Variants in NMRK1 observed in about 807,000 individuals in gnomAD.
The protein encoded by NMRK1 is nicotinamide riboside kinase 1, also known as NRK 1.
NMRK1 carries 28 observed loss-of-function variants against 29.9 expected under a neutral mutation model. The ratio of observed to expected loss-of-function variants is 0.94; its 90% CI spans 0.69 to 1.28. The LOEUF is 1.28. Ranked by LOEUF, NMRK1 falls within the 50% of genes most tolerant of loss-of-function variation. The pLI, the probability that NMRK1 is intolerant of heterozygous loss-of-function variation, is 0.00. For missense variants in NMRK1, 218 were observed against 233.1 expected (o/e 0.94, Z 0.42); for synonymous variants, 58 against 73.0 (o/e 0.79, Z 1.05).
intron 2 of NMRK1, among the ~76,000 whole-genome samples, chr9:75,079,679 C>G (rs1180106140): frequency 6.6e-6 from 1 of 152,140 alleles, no homozygotes; most frequent in African/African-American, 2.4e-5. Context: ...ACATCCTGGT[C>G]AGGTGACAGC....
intron 2 of NMRK1, among the ~76,000 whole-genome samples, chr9:75,081,650 C>T (rs1368784291): frequency 6.6e-6 from 1 of 152,140 alleles, no homozygotes; most frequent in Non-Finnish European, 1.5e-5. Flanking sequence ...GTAGTTGCCT[C>T]TCCAGGTTCC....
intron 2 of NMRK1, chr9:75,078,689 T>A: frequency 2.7e-6 from 1 of 367,124 alleles, no homozygotes; most frequent in Non-Finnish European, 4.2e-6. Flanking sequence ...ATTATAAATG[T>A]AAGTGATATA....
chr9:75,063,631 C>G (rs1324549259), intron 8 of NMRK1, among the ~76,000 whole-genome samples: 1 of 152,014 alleles, frequency 6.6e-6, no homozygotes, highest in African/African-American at 2.4e-5. Context: ...ATTATTATTA[C>G]CTTATCATAA....
intron 4 of NMRK1, among the ~76,000 whole-genome samples, chr9:75,075,353 G>GA (rs11345087): frequency 6.6e-6 from 1 of 151,270 alleles, no homozygotes; most frequent in Non-Finnish European, 1.5e-5. Context: ...AGGAAGAGAA[G>GA]AAAAAAAAAA....
At chr9:75,076,196 A>G (rs1286480822) in intron 4 of NMRK1, among the ~76,000 whole-genome samples, 1 of 152,262 alleles carries the variant, frequency 6.6e-6, no homozygotes, top group Non-Finnish European at 1.5e-5. Flanking sequence ...CGATGAATAA[A>G]TGAACAAAGA....
At chr9:75,062,841 G>C (rs1823103084) in intron 8 of NMRK1, among the ~76,000 whole-genome samples, 1 of 152,168 alleles carries the variant, frequency 6.6e-6, no homozygotes. Flanking sequence ...AGACCAGCCT[G>C]ATCAACATAG....
chr9:75,069,217 G>C (rs560807017), intron 6 of NMRK1, 115 bp from the exon 7 acceptor site: 68 of 696,182 alleles, frequency 9.8e-5, no homozygotes, highest in African/African-American at 9.4e-4. Flanking sequence ...AACAGGATTA[G>C]GACTACATGT....
chr9:75,083,145 T>C lies in NMRK1; in HGVS notation c.-30A>G, dbSNP rs1439443240. On this transcript the variant is annotated 5_prime_UTR_variant, in exon 2 of 9. The change creates a new upstream start codon in the 5' untranslated region. Transcript: ENST00000361092. The stretch of plus-strand genomic sequence containing the variant: ...AGCTTTGAAAATCACAGCTTCCTAA[T>C]ATTTCCTAAAAGTAAAAAAACAAAC... 2.0e-6 allele frequency: 3 copies of C among 1,496,206 alleles called. No individual in the cohort carries two copies. In the East Asian group the frequency reaches 6.8e-5, roughly 34 times the overall value. 92.7% of individuals were successfully genotyped at this position (1,496,206 alleles called of 1,614,324 possible). A position where few individuals can be genotyped will look rare whatever the true frequency, so the allele number is the denominator to read the frequency against.
At chr9:75,080,006 T>C (rs1003584133) in intron 2 of NMRK1, among the ~76,000 whole-genome samples, 1 of 152,164 alleles carries the variant, frequency 6.6e-6, no homozygotes, top group Non-Finnish European at 1.5e-5. Context: ...GCACAACTCC[T>C]GGCCCATTTA....
At chr9:75,068,141 G>A (rs1039165389) in intron 7 of NMRK1, among the ~76,000 whole-genome samples, 5 of 151,946 alleles carry the variant, frequency 3.3e-5, no homozygotes, top group Admixed American at 1.3e-4. Context: ...TCATCTTCCC[G>A]CCCCCTCCAT....
At chr9:75,080,702 C>T (rs1824268978) in intron 2 of NMRK1, among the ~76,000 whole-genome samples, 1 of 152,176 alleles carries the variant, frequency 6.6e-6, no homozygotes, top group Admixed American at 6.5e-5. Flanking sequence ...AGGTGTTTGG[C>T]TCATGAGGGC....
intron 8 of NMRK1, 132 bp from the exon 9 acceptor site, chr9:75,061,699 G>A (rs1030029179): frequency 7.2e-6 from 5 of 691,688 alleles, no homozygotes; most frequent in Non-Finnish European, 1.2e-5. Flanking sequence ...CTGGTTTCCT[G>A]TAAAGAACTA....
chr9:75,085,991 A>C (rs776125928), intron 1 of NMRK1, among the ~76,000 whole-genome samples: 1 of 151,708 alleles, frequency 6.6e-6, no homozygotes, highest in Non-Finnish European at 1.5e-5. Flanking sequence ...GTGTGGATGC[A>C]CAGGGCAGCT....
chr9:75,087,832 T>C (rs1281016708), intron 1 of NMRK1, 176 bp downstream of exon 1: 2 of 152,218 alleles, frequency 1.3e-5, no homozygotes, highest in Non-Finnish European at 2.9e-5. Context: ...CACGCCACCA[T>C]GAGTACACGT....
At chr9:75,071,059 G>A (rs746282748) in intron 4 of NMRK1, among the ~76,000 whole-genome samples, 2 of 151,606 alleles carry the variant, frequency 1.3e-5, no homozygotes, top group Non-Finnish European at 2.9e-5. Flanking sequence ...CCAAATTTGA[G>A]AAGTTTTTTT....
At chr9:75,075,579 A>G (rs770442665) in intron 4 of NMRK1, among the ~76,000 whole-genome samples, 43 of 152,250 alleles carry the variant, frequency 2.8e-4, no homozygotes, top group Non-Finnish European at 4.6e-4. Context: ...ATAAAAGTTA[A>G]TAAGATAATC....
chr9:75,073,401 T>C (rs1823810780), intron 4 of NMRK1, among the ~76,000 whole-genome samples: 1 of 152,312 alleles, frequency 6.6e-6, no homozygotes, highest in East Asian at 1.9e-4. Context: ...TGGTACTTTG[T>C]TATGTTGCCC....
chr9:75,065,875 A>T (rs1421138559), intron 8 of NMRK1, among the ~76,000 whole-genome samples: 1 of 152,248 alleles, frequency 6.6e-6, no homozygotes, highest in African/African-American at 2.4e-5. Flanking sequence ...CTCAATATCC[A>T]GCTCCAACAT....
At chr9:75,067,335 TTG>T (rs3837219) in intron 7 of NMRK1, 4 of 151,358 alleles carry the variant, frequency 2.6e-5, no homozygotes, top group Admixed American at 6.6e-5. Context: ...GTGTGTATGT[TTG>T]TGTGTGTGTG....
Sources: allele counts gnomAD v4.1 joint callset (sites outside exome capture counted in the v4.1 genomes callset), GRCh38; gene constraint gnomAD v4.1.1; transcripts MANE v1.5; gene names NCBI Gene and HGNC (gene_info 2026-07-23, HGNC 2026-07-21).